Variants in CDYL2 observed in about 807,000 individuals in gnomAD.
CDYL2 encodes the protein chromodomain Y like 2, also known as chromodomain Y-like protein 2.
CDYL2 carries 23 observed loss-of-function variants against 49.4 expected under a neutral mutation model. That is an observed-to-expected ratio of 0.47 (90% confidence interval 0.34 to 0.66). The LOEUF (loss-of-function observed/expected upper bound fraction) is 0.66. CDYL2 is among the 30% of genes least tolerant of loss of function. The pLI, the probability that CDYL2 is intolerant of heterozygous loss-of-function variation, is 0.01. For missense variants in CDYL2, 678 were observed against 656.4 expected (o/e 1.03, Z -0.36); for synonymous variants, 360 against 268.8 (o/e 1.34, Z -3.32).
At chr16:80,697,587 T>A (rs1229944607) in intron 1 of CDYL2, among the ~76,000 whole-genome samples, 1 of 151,956 alleles carries the variant, frequency 6.6e-6, no homozygotes, top group African/African-American at 2.4e-5. Context: ...TTTCACAAGA[T>A]AAAGAAATAA....
chr16:80,710,706 T>C (rs1003211665), intron 1 of CDYL2, among the ~76,000 whole-genome samples: 7 of 152,090 alleles, frequency 4.6e-5, no homozygotes, highest in Admixed American at 3.3e-4. Context: ...CTATTGTACA[T>C]CTTGAAAAAA....
intron 1 of CDYL2, among the ~76,000 whole-genome samples, chr16:80,757,177 TA>T (rs373087046): frequency 6.6e-6 from 1 of 152,092 alleles, no homozygotes; most frequent in African/African-American, 2.4e-5. Flanking sequence ...GAAGTTAAAA[TA>T]TCAACTAAGA....
intron 2 of CDYL2, among the ~76,000 whole-genome samples, chr16:80,677,264 C>A (rs1478686555): frequency 6.6e-6 from 1 of 152,162 alleles, no homozygotes; most frequent in Non-Finnish European, 1.5e-5. Flanking sequence ...AGCCACCACT[C>A]CTGGCCCAAT....
At chr16:80,744,646 G>A (rs577047147) in intron 1 of CDYL2, among the ~76,000 whole-genome samples, 9 of 152,192 alleles carry the variant, frequency 5.9e-5, no homozygotes, top group Non-Finnish European at 1.2e-4. Context: ...ACTTGCCCAT[G>A]TGATAGGTAA....
intron 1 of CDYL2, among the ~76,000 whole-genome samples, chr16:80,767,268 T>G (rs887972597): frequency 6.6e-6 from 1 of 152,218 alleles, no homozygotes; most frequent in Non-Finnish European, 1.5e-5. Context: ...ACTGCATTTT[T>G]GCACAGAATT....
intron 1 of CDYL2, among the ~76,000 whole-genome samples, chr16:80,690,196 G>C (rs1298561498): frequency 6.6e-6 from 1 of 152,110 alleles, no homozygotes; most frequent in Non-Finnish European, 1.5e-5. Flanking sequence ...GGAAGGTGCT[G>C]TGAGAAACAA....
chr16:80,705,660 T>C (rs940946946), intron 1 of CDYL2, among the ~76,000 whole-genome samples: 45 of 152,378 alleles, frequency 3.0e-4, no homozygotes, highest in African/African-American at 8.9e-4. Context: ...ACAAACGTTT[T>C]TGTGAAGGCC....
At chr16:80,767,877 A>T (rs1344128574) in intron 1 of CDYL2, among the ~76,000 whole-genome samples, 1 of 152,196 alleles carries the variant, frequency 6.6e-6, no homozygotes, top group Non-Finnish European at 1.5e-5. Context: ...TTCACTGTGC[A>T]GTGTCACAGT....
At position 80,781,671 on chromosome 16, in the gene CDYL2, G is replaced by GA. The variant is rs199779843; in HGVS notation, c.24+22478dup. Among the ~76,000 whole-genome samples the GA allele has an allele frequency of 3.0e-3, 458 of 151,180 alleles. 1 individual carries two copies. The highest frequency in any genetic ancestry group is 0.01 in the African/African-American group (426 of 41,262). On this transcript the variant is annotated intron_variant, in intron 1 of 6. Transcript: ENST00000570137. ...CTTTAATAAACGGTTTAAAATCTGA[G>GA]AAAAAAAAGGAAATCATACAAAGTA...
At position 80,742,387 on chromosome 16, in the gene CDYL2, G is replaced by C. The variant is rs1040139146; in HGVS notation, c.25-57258C>G. On this transcript the variant is annotated intron_variant, in intron 1 of 6. Transcript: ENST00000570137. ...GGATGGATGAATAAAACAGTGGGTGGGTTAGGGGATGAACGAGTGGATATA... is the reference window on the plus strand; with the variant it reads ...GGATGGATGAATAAAACAGTGGGTGCGTTAGGGGATGAACGAGTGGATATA... 5 of 151,952 alleles carry C rather than the reference G, an allele frequency of 3.3e-5. No homozygotes were observed. The East Asian group carries it at 9.7e-4, about 29-fold the overall frequency. 9.4% of individuals were successfully genotyped at this position (151,952 alleles called of 1,614,324 possible).
chr16:80,604,206 C>T lies in CDYL2; in HGVS notation c.*182G>A, dbSNP rs1447732643. 7.5e-6 allele frequency: 5 copies of T among 662,716 alleles called. No homozygotes were observed. The highest frequency in any genetic ancestry group is 5.4e-5 in the East Asian group (2 of 36,834). The allele number at this position is 662,716 out of a possible 1,614,324, so 41.1% of individuals were successfully genotyped here. On this transcript the variant is annotated 3_prime_UTR_variant, in exon 7 of 7. Transcript: ENST00000570137. ...GAGGTGGGGGAGGCCAAGTATGCTG[C>T]GTTTTCCATCCATTACACAAAATCA...
At chr16:80,746,805 A>G (rs1905947515) in intron 1 of CDYL2, among the ~76,000 whole-genome samples, 1 of 151,144 alleles carries the variant, frequency 6.6e-6, no homozygotes, top group Non-Finnish European at 1.5e-5. Flanking sequence ...TGCTTTTATC[A>G]TAACCCATTA....
At chr16:80,700,789 G>C (rs1193888086) in intron 1 of CDYL2, among the ~76,000 whole-genome samples, 3 of 152,250 alleles carry the variant, frequency 2.0e-5, no homozygotes, top group African/African-American at 7.2e-5. Context: ...CCCACACATA[G>C]TACATAGGTT....
chr16:80,689,743 C>T (rs918670485), intron 1 of CDYL2, among the ~76,000 whole-genome samples: 1 of 152,212 alleles, frequency 6.6e-6, no homozygotes, highest in African/African-American at 2.4e-5. Context: ...CAAGAAACCT[C>T]GCAGACCGCC....
At chr16:80,677,566 T>C (rs1909803454) in intron 2 of CDYL2, among the ~76,000 whole-genome samples, 1 of 151,140 alleles carries the variant, frequency 6.6e-6, no homozygotes, top group African/African-American at 2.4e-5. Flanking sequence ...TGAAACCCCG[T>C]CTCTAATAAA....
chr16:80,734,178 C>T (rs929126268), intron 1 of CDYL2, among the ~76,000 whole-genome samples: 1 of 152,110 alleles, frequency 6.6e-6, no homozygotes, highest in Admixed American at 6.5e-5. Flanking sequence ...TGCAAAGCTC[C>T]GTATTTCAAT....
At chr16:80,695,984 T>C (rs559172509) in intron 1 of CDYL2, among the ~76,000 whole-genome samples, 4 of 152,336 alleles carry the variant, frequency 2.6e-5, no homozygotes, top group Non-Finnish European at 4.4e-5. Flanking sequence ...TTCTCCAGGA[T>C]AGACCATACA....
intron 1 of CDYL2, among the ~76,000 whole-genome samples, chr16:80,792,676 A>G (rs1237183489): frequency 6.6e-6 from 1 of 152,182 alleles, no homozygotes; most frequent in Non-Finnish European, 1.5e-5. Context: ...GGTGTCATGG[A>G]TAACGTGATA....
chr16:80,666,560 G>A (rs892727542), intron 2 of CDYL2, among the ~76,000 whole-genome samples: 1 of 152,162 alleles, frequency 6.6e-6, no homozygotes, highest in Admixed American at 6.5e-5. Context: ...ACAGCAAGCA[G>A]GGCCATCGTG....
Sources: allele counts gnomAD v4.1 joint callset (sites outside exome capture counted in the v4.1 genomes callset), GRCh38; gene constraint gnomAD v4.1.1; transcripts MANE v1.5; gene names NCBI Gene and HGNC (gene_info 2026-07-23, HGNC 2026-07-21).